The following LMF1 variants were observed in gnomAD, a reference collection of about 807,000 sequenced individuals.
LMF1 encodes the protein transmembrane protein 112.
In LMF1, 68 loss-of-function variants were observed where a neutral mutation model predicts 60.6. That is an observed-to-expected ratio of 1.12 (90% CI 0.92 to 1.37). LMF1 has a LOEUF of 1.37. LMF1 is among the 40% of genes most tolerant of loss of function. The probability of loss-of-function intolerance (pLI) is 0.00; values close to 1 mark genes in which losing one functional copy is unlikely to be tolerated. For missense variants in LMF1, 948 were observed against 767.2 expected, an observed-to-expected ratio of 1.24 and a Z score of -2.78; for synonymous variants, 418 against 324.7, an observed-to-expected ratio of 1.29 and a Z score of -3.09.
At chr16:880,964 G>C (rs2070146077) in intron 5 of LMF1, among the ~76,000 whole-genome samples, 1 of 152,252 alleles carries the variant, frequency 6.6e-6, no homozygotes, top group Admixed American at 6.5e-5. Flanking sequence ...CATTGGGCCT[G>C]GCACAGCCGC....
At chr16:978,099 A>G (rs1485449649) in intron 1 of LMF1, among the ~76,000 whole-genome samples, 1 of 35,690 alleles carries the variant, frequency 2.8e-5, no homozygotes, top group Non-Finnish European at 4.8e-5. Context: ...ACACACACGG[A>G]CACACACACA....
At chr16:888,627 G>C (rs1035337799) in intron 5 of LMF1, among the ~76,000 whole-genome samples, 1 of 152,220 alleles carries the variant, frequency 6.6e-6, no homozygotes, top group African/African-American at 2.4e-5. Context: ...CAACCGCTCC[G>C]ATGTGGGGAC....
intron 3 of LMF1, chr16:921,272 T>C (rs1364672902): frequency 6.6e-6 from 1 of 152,250 alleles, no homozygotes; most frequent in Non-Finnish European, 1.5e-5. Context: ...CACTGGGGCA[T>C]TCTGTTCCCC....
intron 3 of LMF1, among the ~76,000 whole-genome samples, chr16:924,895 G>A (rs2071550270): frequency 6.6e-6 from 1 of 152,258 alleles, no homozygotes; most frequent in South Asian, 2.1e-4. Context: ...TGAGGAAAAG[G>A]AGGAAACAAG....
chr16:912,352 G>A (rs932927271), intron 3 of LMF1, among the ~76,000 whole-genome samples: 17 of 152,266 alleles, frequency 1.1e-4, no homozygotes, highest in African/African-American at 3.9e-4. Flanking sequence ...GGAAGCAGAC[G>A]GAGGCTCGCG....
At position 883,001 on chromosome 16, in the gene LMF1, T is replaced by C. The variant is rs1184703312; in HGVS notation, c.730-3264A>G. 2.4e-5 allele frequency among the ~76,000 whole-genome samples: 3 copies of C among 125,070 alleles called. No individual in the cohort carries two copies. The East Asian group carries it at 7.4e-4, about 31-fold the overall frequency. The allele number at this position is 125,070 out of a possible 152,430, so 82.1% of individuals were successfully genotyped here. ...CAGAAGAGCTGCCCGGCAGAGCCTA[T>C]CACAGGACCAGGAGAAAGAGAAGCC... On this transcript the variant is annotated intron_variant, in intron 5 of 10. Coordinates refer to ENST00000262301, the MANE Select transcript of LMF1 (RefSeq NM_022773.4).
At chr16:904,428 G>A (rs566944371) in intron 4 of LMF1, among the ~76,000 whole-genome samples, 2,347 of 120,192 alleles carry the variant, frequency 0.02, 19 homozygotes, top group Admixed American at 0.032. Flanking sequence ...CTGCGTGGTG[G>A]TGACCTCTGC....
intron 5 of LMF1, among the ~76,000 whole-genome samples, chr16:890,714 C>G (rs570089444): frequency 6.6e-6 from 1 of 152,252 alleles, no homozygotes; most frequent in East Asian, 1.9e-4. Context: ...TTTAAGGACA[C>G]AGTCGTTGGA....
At chr16:859,225 G>C in intron 10 of LMF1, among the ~76,000 whole-genome samples, 1 of 118,296 alleles carries the variant, frequency 8.5e-6, no homozygotes, top group South Asian at 2.7e-4. Flanking sequence ...CGGGTGTGCA[G>C]TGGTGTCACG....
chr16:887,856 T>A (rs1345748400), intron 5 of LMF1, among the ~76,000 whole-genome samples: 1 of 152,078 alleles, frequency 6.6e-6, no homozygotes, highest in Non-Finnish European at 1.5e-5. Flanking sequence ...CCCCTGCAGG[T>A]GTGGGAGCCC....
upstream of LMF1, among the ~76,000 whole-genome samples, chr16:974,087 G>A (rs953384876): frequency 2.0e-5 from 3 of 152,178 alleles, no homozygotes; most frequent in Admixed American, 2.0e-4. Flanking sequence ...TCGCCCGGAA[G>A]GCGCTGTCAC....
At chr16:955,493 A>T (rs1233318586) in intron 1 of LMF1, among the ~76,000 whole-genome samples, 1 of 112,572 alleles carries the variant, frequency 8.9e-6, no homozygotes, top group Non-Finnish European at 1.8e-5. Flanking sequence ...ACATCTAAGT[A>T]AACTAGACAC....
chr16:942,867 G>A (rs981161677), intron 2 of LMF1, among the ~76,000 whole-genome samples: 1 of 152,110 alleles, frequency 6.6e-6, no homozygotes, highest in African/African-American at 2.4e-5. Flanking sequence ...TAGACCACCT[G>A]GTGCTATCCC....
chr16:952,964 G>C (rs1386171760), intron 2 of LMF1, among the ~76,000 whole-genome samples: 1 of 57,978 alleles, frequency 1.7e-5, no homozygotes. Flanking sequence ...CGTCCACACA[G>C]ACACCCCAAA....
At chr16:885,817 C>A (rs967782295) in intron 5 of LMF1, among the ~76,000 whole-genome samples, 1 of 152,144 alleles carries the variant, frequency 6.6e-6, no homozygotes, top group Non-Finnish European at 1.5e-5. Flanking sequence ...ATTGATAAAA[C>A]AGGCAGAAAA....
intron 1 of LMF1, among the ~76,000 whole-genome samples, chr16:960,423 C>T (rs1282345657): frequency 3.4e-5 from 3 of 88,102 alleles, no homozygotes; most frequent in East Asian, 7.5e-4. Flanking sequence ...GGTGACAGCA[C>T]GGGATCACGA....
chr16:858,511 C>T (rs182940310), intron 10 of LMF1, among the ~76,000 whole-genome samples: 1 of 26,348 alleles, frequency 3.8e-5, no homozygotes, highest in East Asian at 9.0e-4. Context: ...TGTCTCGGGA[C>T]GGGTGTGCAG....
At chr16:877,561 G>C (rs1167045771) in intron 6 of LMF1, among the ~76,000 whole-genome samples, 2 of 152,146 alleles carry the variant, frequency 1.3e-5, no homozygotes, top group Non-Finnish European at 2.9e-5. Context: ...AAGTCATCTC[G>C]TGACTGATGG....
intron 10 of LMF1, among the ~76,000 whole-genome samples, chr16:860,421 C>T (rs1415367259): frequency 6.6e-6 from 1 of 151,152 alleles, no homozygotes; most frequent in Non-Finnish European, 1.5e-5. Flanking sequence ...CTCACTGCAA[C>T]CTCTGCCTCC....
Sources: gnomAD v4.1 joint callset for allele counts (sites outside exome capture counted in the v4.1 genomes callset) on GRCh38, gnomAD v4.1.1 for gene constraint, MANE v1.5 for transcripts, NCBI Gene and HGNC (gene_info 2026-07-23, HGNC 2026-07-21) for gene names.